The following AFDN variants were observed in gnomAD, a reference collection of about 807,000 sequenced individuals.
AFDN encodes the protein afadin.
Under a neutral mutation model 216.6 loss-of-function variants are expected in AFDN, and 68 were observed. The observed-to-expected ratio is 0.31, with a 90% CI of 0.26 to 0.38. The LOEUF (loss-of-function observed/expected upper bound fraction) is 0.38, where lower values mean the gene tolerates loss of function less well. Among genes scored for constraint, AFDN ranks in the 10% least tolerant of loss-of-function variants. AFDN has a pLI of 1.00. For missense variants in AFDN, 2,136 were observed against 2,342.0 expected (o/e 0.91, Z 1.82); for synonymous variants, 868 against 853.7 (o/e 1.02, Z -0.29).
chr6:167,872,110 T>G, intron 3 of AFDN, 104 bp from the exon 4 acceptor site: 1 of 1,060,206 alleles, frequency 9.4e-7, no homozygotes, highest in South Asian at 1.6e-5. Context: ...TCAGTAGCTT[T>G]GTTCACATGT....
Position 167,951,129 on chromosome 6 carries a change from A to G in AFDN, c.3832-57A>G. On this transcript the variant is annotated intron_variant, in intron 29 of 33. Transcript: ENST00000683244. The surrounding 1 kb of genome is among the most constrained non-coding windows in gnomAD (Gnocchi z 7.1). ...CTGTCTGAAGATAAAATGTTTGTGG[A>G]TATTTGGTAATTTCTAGTAAATGGC... 1 of 1,497,398 alleles carries G rather than the reference A, an allele frequency of 6.7e-7. No homozygotes were observed. The highest frequency in any genetic ancestry group is 8.9e-7 in the Non-Finnish European group (1 of 1,124,794). 92.8% of individuals were successfully genotyped at this position (1,497,398 alleles called of 1,614,324 possible). A position where few individuals can be genotyped will look rare whatever the true frequency, so the allele number is the denominator to read the frequency against.
At chr6:167,906,900 T>C (rs1789763546) in intron 12 of AFDN, among the ~76,000 whole-genome samples, 1 of 152,252 alleles carries the variant, frequency 6.6e-6, no homozygotes. Context: ...ATCATGTGTG[T>C]GTTACCAGCT....
At chr6:167,840,209 A>G (rs897253574) in intron 1 of AFDN, among the ~76,000 whole-genome samples, 2 of 152,230 alleles carry the variant, frequency 1.3e-5, no homozygotes, top group African/African-American at 4.8e-5. Flanking sequence ...TAGCTGGGCA[A>G]AGGGGTAAGG....
Position 167,895,680 on chromosome 6 carries a change from C to T in AFDN, c.1223-1198C>T, listed in dbSNP as rs544304772. On this transcript the variant is annotated intron_variant, in intron 9 of 33. Coordinates refer to ENST00000683244, the MANE Select transcript of AFDN (RefSeq NM_001386888.1). ...GTGTCTTTTGTCTGTGAGAGTTTAG[C>T]GGTACCACTGCTGAGAGATTTTAGC... is the stretch of plus-strand genomic sequence containing the variant. Among the ~76,000 whole-genome samples, 6 of 152,238 alleles carry T rather than the reference C, an allele frequency of 3.9e-5. No individual in the cohort carries two copies. In the South Asian group the frequency reaches 1.0e-3, roughly 26 times the overall value.
chr6:167,836,742 T>C (rs950838313), intron 1 of AFDN, among the ~76,000 whole-genome samples: 3 of 152,218 alleles, frequency 2.0e-5, no homozygotes, highest in Non-Finnish European at 4.4e-5. Flanking sequence ...TAAACTATTA[T>C]GATGGTACAC....
At chr6:167,899,724 A>G (rs905016284) in intron 11 of AFDN, among the ~76,000 whole-genome samples, 12 of 152,178 alleles carry the variant, frequency 7.9e-5, no homozygotes, top group Admixed American at 2.6e-4. Flanking sequence ...GAGATTATGT[A>G]TTGTCTGAAA....
intron 26 of AFDN, among the ~76,000 whole-genome samples, chr6:167,944,782 A>T (rs181186085): frequency 3.7e-3 from 528 of 141,788 alleles, no homozygotes; most frequent in Middle Eastern, 0.022. Flanking sequence ...AACTACAGTT[A>T]AAAAAAAAAA....
intron 1 of AFDN, among the ~76,000 whole-genome samples, chr6:167,859,784 T>G (rs1321751185): frequency 6.6e-6 from 1 of 151,636 alleles, no homozygotes; most frequent in Non-Finnish European, 1.5e-5. Context: ...TATTGTTGTT[T>G]TTTTTTTTTT....
Position 167,863,751 on chromosome 6 carries a change from C to T in AFDN, c.106-800C>T, listed in dbSNP as rs778820417. 6.4e-5 allele frequency: 33 copies of T among 518,314 alleles called. 2 individuals carry two copies. Among genetic ancestry groups the T allele is most frequent in the South Asian group, 4.3e-4 (31 of 71,500 alleles). 32.1% of individuals were successfully genotyped at this position (518,314 alleles called of 1,614,324 possible). A position where few individuals can be genotyped will look rare whatever the true frequency, so the allele number is the denominator to read the frequency against. ...CAGCCCACATTGCAGTAGATGATAC[C>T]TGTGGAGGGGATACCTTTGGCTGGA... On this transcript the variant is annotated intron_variant, in intron 1 of 33. Coordinates refer to ENST00000683244, the MANE Select transcript of AFDN (RefSeq NM_001386888.1).
intron 23 of AFDN, among the ~76,000 whole-genome samples, chr6:167,929,947 A>T (rs1220683610): frequency 3.9e-5 from 6 of 152,196 alleles, no homozygotes. Flanking sequence ...CATGCCTATA[A>T]TCCCAGCAGA....
At chr6:167,903,617 G>A (rs1444489469) in intron 12 of AFDN, among the ~76,000 whole-genome samples, 1 of 152,214 alleles carries the variant, frequency 6.6e-6, no homozygotes, top group Non-Finnish European at 1.5e-5. Flanking sequence ...TGATCCTGGA[G>A]TGTTCTCATC....
intron 4 of AFDN, among the ~76,000 whole-genome samples, chr6:167,872,782 G>A (rs1053644904): frequency 2.0e-5 from 3 of 152,154 alleles, no homozygotes; most frequent in Non-Finnish European, 4.4e-5. Context: ...AAGGTGAAAA[G>A]CAGGTTTTCC....
chr6:167,966,557 A>G (rs1258318984), intron 32 of AFDN, among the ~76,000 whole-genome samples: 1 of 152,142 alleles, frequency 6.6e-6, no homozygotes, highest in Admixed American at 6.5e-5. Context: ...GTTGTTCCCA[A>G]ATCACTTGAA....
intron 2 of AFDN, among the ~76,000 whole-genome samples, chr6:167,867,669 G>A (rs1784337284): frequency 6.6e-6 from 1 of 152,066 alleles, no homozygotes; most frequent in Non-Finnish European, 1.5e-5. Flanking sequence ...CTGACCTTGT[G>A]ATCCACCTGC....
At chr6:167,895,768 A>G (rs1270753521) in intron 9 of AFDN, among the ~76,000 whole-genome samples, 1 of 152,200 alleles carries the variant, frequency 6.6e-6, no homozygotes, top group Non-Finnish European at 1.5e-5. Flanking sequence ...CTCAAAGCTT[A>G]CGTTCCTAAT....
intron 3 of AFDN, among the ~76,000 whole-genome samples, chr6:167,871,307 G>C (rs1393305175): frequency 1.3e-5 from 2 of 152,122 alleles, no homozygotes; most frequent in African/African-American, 2.4e-5. Flanking sequence ...AAGAATGCAT[G>C]TCCATTGTTT....
chr6:167,919,608 G>T (rs1309800679), intron 21 of AFDN, among the ~76,000 whole-genome samples: 2 of 152,258 alleles, frequency 1.3e-5, no homozygotes, highest in Non-Finnish European at 2.9e-5. Context: ...AGCATGTTGT[G>T]TGCTTTTCTG....
Position 167,898,287 on chromosome 6 carries a change from A to C in AFDN, c.1400A>C (p.Asp467Ala). 6.2e-7 allele frequency: 1 copy of C among 1,614,124 alleles called. No homozygotes were observed. The change falls in exon 11 of 34, where the codon GAC becomes GCC. Residue 467 changes from aspartate (D) to alanine (A), a missense_variant. Asp to Ala is a moderately radical substitution (Grantham distance 126). Transcript: ENST00000683244. ...GTCACTGTGACGCCCAGAAGTATGGACGCAGAAACCTACGTGGAAGGCCAG... is the reference window on the plus strand; with the variant it reads ...GTCACTGTGACGCCCAGAAGTATGGCCGCAGAAACCTACGTGGAAGGCCAG... ...GVVTVTPRSM[D>A]AETYVEGQRI...
chr6:167,856,999 A>G (rs1265310331), intron 1 of AFDN, among the ~76,000 whole-genome samples: 1 of 152,144 alleles, frequency 6.6e-6, no homozygotes, highest in Non-Finnish European at 1.5e-5. Flanking sequence ...TGTAAGAAAG[A>G]TGTTTACTAC....
Sources: allele counts gnomAD v4.1 joint callset (sites outside exome capture counted in the v4.1 genomes callset), GRCh38; gene constraint gnomAD v4.1.1; non-coding constraint Gnocchi (gnomAD v3.1); transcripts MANE v1.5; gene names NCBI Gene and HGNC (gene_info 2026-07-23, HGNC 2026-07-21).